The following SNX30 variants were observed in gnomAD, a reference collection of about 807,000 sequenced individuals.
The protein encoded by SNX30 is sorting nexin-30.
A neutral mutation model predicts 46.4 loss-of-function variants in SNX30; 24 were observed. That is an observed-to-expected ratio of 0.52 (90% CI 0.37 to 0.73). The LOEUF is 0.73. SNX30 is among the 30% of genes least tolerant of loss of function. The pLI is 0.00. For synonymous variants in SNX30, 189 were observed against 211.5 expected (o/e 0.89, Z 0.92); for missense variants, 533 against 555.7 (o/e 0.96, Z 0.41).
At position 112,869,162 on chromosome 9, in the gene SNX30, A is replaced by C; in HGVS notation, c.*319A>C. 6.7e-6 allele frequency: 2 copies of C among 298,104 alleles called. No homozygotes were observed. The highest frequency in any genetic ancestry group is 6.5e-6 in the Non-Finnish European group (1 of 153,466). 18.5% of individuals were successfully genotyped at this position (298,104 alleles called of 1,614,324 possible). On this transcript the variant is annotated 3_prime_UTR_variant, in exon 9 of 9. Coordinates refer to ENST00000374232, the MANE Select transcript of SNX30 (RefSeq NM_001012994.2). ...CCTGCAGCTGACGCTCTGACATTTC[A>C]TGACAGTTTCCTCTTTAGGGACAGC...
At chr9:112,880,453 A>G (rs375068218) in exon 5 of SNX30, 2 of 153,852 alleles carry the variant, frequency 1.3e-5, no homozygotes, top group African/African-American at 4.8e-5. Flanking sequence ...GACCCTCACC[A>G]AGGAACCAAC....
intron 1 of SNX30, among the ~76,000 whole-genome samples, chr9:112,784,012 TG>T (rs938211923): frequency 3.9e-5 from 6 of 152,212 alleles, no homozygotes; most frequent in Non-Finnish European, 7.3e-5. Flanking sequence ...CTGTTGAACT[TG>T]GGTTTATTCA....
intron 1 of SNX30, among the ~76,000 whole-genome samples, chr9:112,777,744 G>A (rs1839772588): frequency 6.7e-6 from 1 of 149,910 alleles, no homozygotes; most frequent in African/African-American, 2.5e-5. Context: ...CACCACACTT[G>A]GCCTCCATGT....
downstream of SNX30, chr9:112,879,818 TG>T: frequency 6.2e-7 from 1 of 1,613,052 alleles, no homozygotes. Context: ...TAGGCCACGA[TG>T]CTGTAAGAAT....
intron 1 of SNX30, among the ~76,000 whole-genome samples, chr9:112,791,251 T>A (rs1184337569): frequency 6.6e-6 from 1 of 152,156 alleles, no homozygotes; most frequent in Admixed American, 6.6e-5. Flanking sequence ...CTGCTTTCTG[T>A]CTCTCAGGAT....
intron 1 of SNX30, among the ~76,000 whole-genome samples, chr9:112,772,248 G>A (rs1839664869): frequency 6.6e-6 from 1 of 152,194 alleles, no homozygotes; most frequent in Non-Finnish European, 1.5e-5. Context: ...TTGTCAACAA[G>A]TGGAAATGGA....
intron 1 of SNX30, among the ~76,000 whole-genome samples, chr9:112,761,717 G>A (rs967890185): frequency 7.2e-5 from 11 of 152,186 alleles, no homozygotes; most frequent in African/African-American, 2.7e-4. Flanking sequence ...ACATGTGCGA[G>A]TGAAGTGTAA....
chr9:112,857,802 A>G (rs1215248554), intron 7 of SNX30, among the ~76,000 whole-genome samples: 3 of 151,952 alleles, frequency 2.0e-5, no homozygotes, highest in Admixed American at 2.0e-4. Context: ...CCAACCATCC[A>G]TCCATCCATC....
chr9:112,837,470 T>G (rs967155271), intron 5 of SNX30, among the ~76,000 whole-genome samples: 1 of 151,420 alleles, frequency 6.6e-6, no homozygotes, highest in African/African-American at 2.4e-5. Flanking sequence ...TGTTTTTCGT[T>G]TTTTGGTTTT....
chr9:112,806,819 AC>A (rs1429535611), intron 2 of SNX30, among the ~76,000 whole-genome samples: 1 of 152,078 alleles, frequency 6.6e-6, no homozygotes, highest in Non-Finnish European at 1.5e-5. Context: ...GTTTACATTC[AC>A]ACACATGTAT....
chr9:112,819,166 A>G (rs1278334716), intron 3 of SNX30, among the ~76,000 whole-genome samples: 1 of 152,100 alleles, frequency 6.6e-6, no homozygotes, highest in East Asian at 1.9e-4. Flanking sequence ...ATTTTATATT[A>G]GTGTGGCACT....
chr9:112,840,553 G>A (rs1310050674), intron 6 of SNX30, among the ~76,000 whole-genome samples: 1 of 147,400 alleles, frequency 6.8e-6, no homozygotes. Flanking sequence ...TGGCACAATC[G>A]TGGCTCACTG....
chr9:112,866,233 G>C (rs1336768871), intron 8 of SNX30, among the ~76,000 whole-genome samples: 5 of 152,128 alleles, frequency 3.3e-5, no homozygotes, highest in African/African-American at 1.2e-4. Context: ...AAAAGAACGG[G>C]AAACTGGGGG....
intron 7 of SNX30, among the ~76,000 whole-genome samples, chr9:112,855,503 C>CT (rs1178388331): frequency 6.6e-6 from 1 of 152,086 alleles, no homozygotes; most frequent in Non-Finnish European, 1.5e-5. Context: ...AATCTGATCA[C>CT]TTTTTTGTAA....
chr9:112,793,389 A>C (rs1840057395), intron 1 of SNX30, among the ~76,000 whole-genome samples: 1 of 151,972 alleles, frequency 6.6e-6, no homozygotes, highest in African/African-American at 2.4e-5. Flanking sequence ...ATGCGGGGGG[A>C]GAAGGCCATG....
chr9:112,882,315 C>T (rs1437132054), downstream of SNX30, among the ~76,000 whole-genome samples: 1 of 152,174 alleles, frequency 6.6e-6, no homozygotes, highest in Admixed American at 6.5e-5. Context: ...CTATATTGCC[C>T]AGGCTGGTCT....
chr9:112,816,073 G>A (rs77698751), intron 2 of SNX30, among the ~76,000 whole-genome samples: 1,666 of 152,100 alleles, frequency 0.011, 20 homozygotes, highest in Non-Finnish European at 0.017. Context: ...TCAAACTCTA[G>A]GGCTCAAGCT....
chr9:112,830,490 T>C (rs1019991344), intron 3 of SNX30, among the ~76,000 whole-genome samples: 6 of 152,212 alleles, frequency 3.9e-5, no homozygotes, highest in African/African-American at 9.7e-5. Context: ...ATATCTACTT[T>C]TCTGTATTTC....
intron 7 of SNX30, among the ~76,000 whole-genome samples, chr9:112,857,049 C>T (rs1034082851): frequency 2.6e-5 from 4 of 152,178 alleles, no homozygotes; most frequent in South Asian, 4.1e-4. Context: ...TTCCCCAGGG[C>T]GCGGGCCCCA....
Sources: gnomAD v4.1 joint callset for allele counts (sites outside exome capture counted in the v4.1 genomes callset) on GRCh38, gnomAD v4.1.1 for gene constraint, MANE v1.5 for transcripts, NCBI Gene and HGNC (gene_info 2026-07-23, HGNC 2026-07-21) for gene names.